Variants in SCTR observed in about 807,000 individuals in gnomAD.
SCTR encodes pancreatic secretin receptor.
A neutral mutation model predicts 60.8 loss-of-function variants in SCTR; 56 were observed. That is an observed-to-expected ratio of 0.92 (90% confidence interval 0.74 to 1.15). The LOEUF is 1.15. SCTR is among the 50% of genes most tolerant of loss of function. The pLI, the probability that SCTR is intolerant of heterozygous loss-of-function variation, is 0.00. For missense variants in SCTR, 562 were observed against 550.4 expected, an observed-to-expected ratio of 1.02 and a Z score of -0.21; for synonymous variants, 202 against 217.0, an observed-to-expected ratio of 0.93 and a Z score of 0.61.
At position 119,461,983 on chromosome 2, in the gene SCTR, G is replaced by A. The variant is rs1283192849; in HGVS notation, c.654C>T (p.Val218=). ...TGATGCAGTACTGGAACAGCACCAT[G>A]ACCAGCTTGCAGCCCGCCTGGAGAG... The part of the protein sequence containing the change: ...CDAHRAGCKL[V]MVLFQYCIMA... The change falls in exon 7 of 13, where the codon GTC becomes GTT. Residue 218 remains valine, a synonymous_variant. Coordinates refer to ENST00000019103, the MANE Select transcript of SCTR (RefSeq NM_002980.3). The A allele has an allele frequency of 2.5e-6, 4 of 1,605,984 alleles. No individual in the cohort carries two copies. The highest frequency in any genetic ancestry group is 2.3e-5 in the East Asian group (1 of 44,410).
intron 1 of SCTR, among the ~76,000 whole-genome samples, chr2:119,503,224 G>A (rs1678614360): frequency 2.7e-5 from 4 of 147,832 alleles, no homozygotes; most frequent in Admixed American, 2.7e-4. Context: ...GTCACAAAAA[G>A]ACACAAAGTA....
At chr2:119,511,172 C>G (rs1353951666) in intron 1 of SCTR, among the ~76,000 whole-genome samples, 1 of 151,742 alleles carries the variant, frequency 6.6e-6, no homozygotes, top group African/African-American at 2.4e-5. Flanking sequence ...CACTGCACTC[C>G]AGCTTGGGTG....
chr2:119,465,878 G>A lies in SCTR; in HGVS notation c.414C>T (p.Tyr138=). The change falls in exon 5 of 13, where the codon TAC becomes TAT. Residue 138 remains tyrosine (Y), a synonymous_variant. Coordinates refer to ENST00000019103, the MANE Select transcript of SCTR (RefSeq NM_002980.3). ...NDSSNEKRHS[Y]LLKLKVMYTV... Reference sequence around the variant, plus strand: ...TGTACATGACTTTCAGCTTCAGCAGGTAGGAGTGCTGCAGAGAGAGGCACG... The same window carrying A: ...TGTACATGACTTTCAGCTTCAGCAGATAGGAGTGCTGCAGAGAGAGGCACG... The A allele has an allele frequency of 6.2e-7, 1 of 1,612,800 alleles. No homozygotes were observed. The highest frequency in any genetic ancestry group is 8.5e-7 in the Non-Finnish European group (1 of 1,178,818).
intron 9 of SCTR, among the ~76,000 whole-genome samples, chr2:119,451,214 T>A (rs1478886494): frequency 6.6e-6 from 1 of 151,386 alleles, no homozygotes; most frequent in African/African-American, 2.4e-5. Context: ...GGGCTGTCCG[T>A]GTGGATGTTA....
rs747020665 is a variant in SCTR at position 119,440,069 on chromosome 2, G to A, written c.*48C>T. On this transcript the variant is annotated 3_prime_UTR_variant, in exon 13 of 13. Transcript: ENST00000019103. Reference sequence around the variant, plus strand: ...TGTCCCACAGCAGTGCCCAGCCTTCGCAGGACCTCTCTTGGTCTCTGTCCG... The same window carrying A: ...TGTCCCACAGCAGTGCCCAGCCTTCACAGGACCTCTCTTGGTCTCTGTCCG... The A allele has an allele frequency of 1.6e-5, 26 of 1,577,146 alleles. No individual in the cohort carries two copies. The highest frequency in any genetic ancestry group is 6.9e-5 in the Admixed American group (4 of 58,258).
intron 2 of SCTR, chr2:119,485,915 T>A (rs949654678): frequency 2.0e-5 from 3 of 152,406 alleles, no homozygotes; most frequent in Admixed American, 2.0e-4. Context: ...TTGCCTCTCT[T>A]GGCTCAGCCA....
At chr2:119,511,577 A>G (rs1403312101) in intron 1 of SCTR, among the ~76,000 whole-genome samples, 1 of 152,174 alleles carries the variant, frequency 6.6e-6, no homozygotes, top group Admixed American at 6.5e-5. Flanking sequence ...TCTGTTACAC[A>G]TCTATCCACA....
At chr2:119,497,468 A>G (rs1217513487) in intron 1 of SCTR, among the ~76,000 whole-genome samples, 2 of 152,202 alleles carry the variant, frequency 1.3e-5, no homozygotes, top group Non-Finnish European at 2.9e-5. Context: ...ACTGGATGAG[A>G]AAAACATAAT....
chr2:119,451,175 C>G (rs1464200346), intron 9 of SCTR, among the ~76,000 whole-genome samples: 1 of 152,116 alleles, frequency 6.6e-6, no homozygotes, highest in African/African-American at 2.4e-5. Flanking sequence ...CACTCACTTT[C>G]AACTGGTTCT....
chr2:119,446,168 G>T (rs1682918102), intron 11 of SCTR, among the ~76,000 whole-genome samples: 1 of 152,094 alleles, frequency 6.6e-6, no homozygotes, highest in Non-Finnish European at 1.5e-5. Context: ...ATTTGCATAT[G>T]CACATGGTTT....
In SCTR at chr2:119,452,049, G is replaced by A; in HGVS notation, c.882C>T (p.Ile294=). ...TCACAGGACCACGAATGATCCACCA[G>A]ATGGATGCGTTGGCATTGATGTCCC... The part of the protein sequence containing the change: ...GCWDINANAS[I]WWIIRGPVIL... Residue 294 remains isoleucine, a synonymous_variant, in exon 9 of 13, where the codon ATC becomes ATT. Coordinates refer to ENST00000019103, the MANE Select transcript of SCTR (RefSeq NM_002980.3). 6.2e-7 allele frequency: 1 copy of A among 1,609,512 alleles called. No individual in the cohort carries two copies. The highest frequency in any genetic ancestry group is 1.1e-5 in the South Asian group (1 of 89,786).
rs1451973847 is a variant in SCTR, at chr2:119,521,170, G to T, written c.72+2985C>A. On this transcript the variant is annotated intron_variant, in intron 1 of 12. Transcript: ENST00000019103. ...CACACACCTCACTTAACTCACTAAGGTTAACAAATTGGCAGTTTGCCAAAT... is the reference window on the plus strand; with the variant it reads ...CACACACCTCACTTAACTCACTAAGTTTAACAAATTGGCAGTTTGCCAAAT... Among the ~76,000 whole-genome samples the T allele has an allele frequency of 3.3e-5, 5 of 152,158 alleles. No homozygotes were observed. In the South Asian group the frequency reaches 6.2e-4, roughly 19 times the overall value.
chr2:119,477,087 T>A (rs1677359418), intron 3 of SCTR: 1 of 152,056 alleles, frequency 6.6e-6, no homozygotes. Context: ...ACAGGGCAGG[T>A]CTTATTTATT....
At chr2:119,449,244 G>A (rs781204580) in intron 9 of SCTR, among the ~76,000 whole-genome samples, 9 of 152,170 alleles carry the variant, frequency 5.9e-5, no homozygotes, top group Non-Finnish European at 1.3e-4. Flanking sequence ...TAAGTCTGGC[G>A]TGGGGCCCAA....
At chr2:119,514,776 G>A (rs1249362698) in intron 1 of SCTR, among the ~76,000 whole-genome samples, 1 of 152,134 alleles carries the variant, frequency 6.6e-6, no homozygotes, top group Non-Finnish European at 1.5e-5. Context: ...CACTCAGGAA[G>A]CTGAGGCAGG....
chr2:119,458,367 C>T (rs561176371), intron 7 of SCTR, among the ~76,000 whole-genome samples: 67 of 150,328 alleles, frequency 4.5e-4, no homozygotes, highest in African/African-American at 1.6e-3. Context: ...TTTGGGAGGC[C>T]GAGTCAGGTG....
chr2:119,473,294 TG>T (rs1472693215), intron 4 of SCTR, among the ~76,000 whole-genome samples, 158 bp downstream of exon 4: 1 of 152,196 alleles, frequency 6.6e-6, no homozygotes, highest in Admixed American at 6.5e-5. Context: ...CTGACACCTC[TG>T]TGAGTAGGAG....
chr2:119,506,818 G>C (rs1678755103), intron 1 of SCTR, among the ~76,000 whole-genome samples: 1 of 152,140 alleles, frequency 6.6e-6, no homozygotes, highest in South Asian at 2.1e-4. Context: ...AAATGGAGAA[G>C]AGATGCGTGT....
chr2:119,482,741 G>A (rs941826429), intron 2 of SCTR, among the ~76,000 whole-genome samples: 1 of 152,174 alleles, frequency 6.6e-6, no homozygotes, highest in Non-Finnish European at 1.5e-5. Flanking sequence ...GTAACCCTGG[G>A]CCTACCCAGA....
Sources: allele counts gnomAD v4.1 joint callset (sites outside exome capture counted in the v4.1 genomes callset), GRCh38; gene constraint gnomAD v4.1.1; transcripts MANE v1.5; gene names NCBI Gene and HGNC (gene_info 2026-07-23, HGNC 2026-07-21).